Variants in KCNMB4 observed in about 807,000 individuals in gnomAD.
KCNMB4 encodes the protein calcium-activated potassium channel subunit beta-4.
In KCNMB4, 3 loss-of-function variants were observed where a neutral mutation model predicts 20.7. The observed-to-expected ratio is 0.14, with a 90% confidence interval of 0.07 to 0.37. The LOEUF (loss-of-function observed/expected upper bound fraction) is 0.37, where lower values mean the gene tolerates loss of function less well. Ranked by LOEUF, KCNMB4 falls within the 10% of genes least tolerant of loss-of-function variation. The probability of loss-of-function intolerance (pLI) is 1.00; values close to 1 mark genes in which losing one functional copy is unlikely to be tolerated. For synonymous variants in KCNMB4, 110 were observed against 113.4 expected (o/e 0.97, Z 0.19); for missense variants, 168 against 265.9 (o/e 0.63, Z 2.56).
In KCNMB4 at chr12:70,432,030, C is replaced by CTTTTTTTTTT. The variant is rs376288820; in HGVS notation, c.*1386_*1395dup. ...TCCACATACCAATGTTTTCTTTTTTCTTTTTTTTTTTTTTTTTTGAGATGG... is the reference window on the plus strand; with the variant it reads ...TCCACATACCAATGTTTTCTTTTTTCTTTTTTTTTTTTTTTTTTTTTTTTTTTTGAGATGG... On this transcript the variant is annotated 3_prime_UTR_variant, in exon 3 of 3. Transcript: ENST00000258111. 1 of 127,946 alleles carries CTTTTTTTTTT rather than the reference C, an allele frequency of 7.8e-6. No individual in the cohort carries two copies. Among genetic ancestry groups the CTTTTTTTTTT allele is most frequent in the African/African-American group, 2.9e-5 (1 of 34,286 alleles). The allele number at this position is 127,946 out of a possible 1,614,324, so 7.9% of individuals were successfully genotyped here.
intron 1 of KCNMB4, among the ~76,000 whole-genome samples, chr12:70,391,875 C>A (rs1310424776): frequency 1.3e-5 from 2 of 152,146 alleles, no homozygotes; most frequent in African/African-American, 4.8e-5. Flanking sequence ...AGAAGCTAGA[C>A]CTCCACCTCT....
At chr12:70,421,093 G>A (rs1869041396) in intron 2 of KCNMB4, among the ~76,000 whole-genome samples, 1 of 151,420 alleles carries the variant, frequency 6.6e-6, no homozygotes. Flanking sequence ...AAAGGTTCTG[G>A]TTCTGTATCA....
intron 1 of KCNMB4, among the ~76,000 whole-genome samples, chr12:70,388,763 G>A (rs990782586): frequency 2.0e-5 from 3 of 152,178 alleles, no homozygotes; most frequent in Non-Finnish European, 2.9e-5. Flanking sequence ...CTTGGGTTAT[G>A]AGGAGTAATG....
intron 1 of KCNMB4, among the ~76,000 whole-genome samples, chr12:70,376,705 A>G (rs533019795): frequency 1.3e-5 from 2 of 149,884 alleles, no homozygotes; most frequent in Admixed American, 1.3e-4. Flanking sequence ...CACCTCTACA[A>G]AAATTAAAAA....
chr12:70,394,017 C>T (rs1164655637), intron 1 of KCNMB4, among the ~76,000 whole-genome samples: 1 of 152,060 alleles, frequency 6.6e-6, no homozygotes, highest in Non-Finnish European at 1.5e-5. Context: ...CTCTGGAGGC[C>T]AAAATATTCA....
At chr12:70,367,887 A>T (rs1382067658) in intron 1 of KCNMB4, among the ~76,000 whole-genome samples, 1 of 151,934 alleles carries the variant, frequency 6.6e-6, no homozygotes, top group Admixed American at 6.6e-5. Context: ...AAAAAAAAAG[A>T]TAAAACCTGG....
intron 1 of KCNMB4, among the ~76,000 whole-genome samples, chr12:70,370,533 C>G (rs1310317451): frequency 5.9e-5 from 9 of 151,970 alleles, no homozygotes; most frequent in Admixed American, 5.9e-4. Flanking sequence ...GTCTCGATCT[C>G]CTGACCTCGT....
At chr12:70,385,762 A>C (rs1383862897) in intron 1 of KCNMB4, among the ~76,000 whole-genome samples, 1 of 152,224 alleles carries the variant, frequency 6.6e-6, no homozygotes, top group Non-Finnish European at 1.5e-5. Context: ...ATTCTATGCC[A>C]ATAAATTTGA....
rs767144236 is a variant in KCNMB4, at chr12:70,430,573, G to T, written c.553G>T (p.Val185Phe). Residue 185 changes from valine (V) to phenylalanine (F), a missense_variant, in exon 3 of 3, where the codon GTT (valine) becomes TTT (phenylalanine). Coordinates refer to ENST00000258111, the MANE Select transcript of KCNMB4 (RefSeq NM_014505.6). ...LWPLVTFVVG[V>F]LIVVLTICAK... ...GCCCCTGGTGACATTTGTGGTGGGC[G>T]TTCTCATTGTGGTCCTGACCATCTG... 1.2e-6 allele frequency: 2 copies of T among 1,613,828 alleles called. No individual in the cohort carries two copies. The highest frequency in any genetic ancestry group is 3.3e-5 in the Admixed American group (2 of 59,960).
At chr12:70,406,313 C>A (rs1218291434) in intron 2 of KCNMB4, among the ~76,000 whole-genome samples, 1 of 151,856 alleles carries the variant, frequency 6.6e-6, no homozygotes, top group Non-Finnish European at 1.5e-5. Context: ...ATTCTTACCA[C>A]AATAAAATAA....
At chr12:70,424,947 A>G (rs1043244573) in intron 2 of KCNMB4, among the ~76,000 whole-genome samples, 1 of 152,208 alleles carries the variant, frequency 6.6e-6, no homozygotes, top group African/African-American at 2.4e-5. Flanking sequence ...AATTACTCTC[A>G]GTAAGATCAG....
intron 1 of KCNMB4, among the ~76,000 whole-genome samples, chr12:70,393,400 A>G (rs918745437): frequency 1.3e-5 from 2 of 151,982 alleles, no homozygotes; most frequent in Non-Finnish European, 2.9e-5. Flanking sequence ...AAGGAGTTTC[A>G]CCATCTTGGC....
chr12:70,412,417 CTTG>C (rs1175178683), intron 2 of KCNMB4, among the ~76,000 whole-genome samples: 2 of 152,178 alleles, frequency 1.3e-5, no homozygotes, highest in Admixed American at 1.3e-4. Context: ...CTCTGGATTT[CTTG>C]TTATGTGTGA....
At chr12:70,407,834 C>G (rs1266714214) in intron 2 of KCNMB4, among the ~76,000 whole-genome samples, 2 of 151,882 alleles carry the variant, frequency 1.3e-5, no homozygotes, top group Non-Finnish European at 2.9e-5. Context: ...TCCCCATCCT[C>G]CAAGAGTCAC....
intron 2 of KCNMB4, among the ~76,000 whole-genome samples, chr12:70,403,960 T>C (rs189454449): frequency 9.1e-4 from 139 of 152,380 alleles, no homozygotes; most frequent in Non-Finnish European, 1.4e-3. Flanking sequence ...AAAGGAGGGT[T>C]CTTTGCTTCC....
At chr12:70,369,077 A>G (rs1883545999) in intron 1 of KCNMB4, among the ~76,000 whole-genome samples, 1 of 152,210 alleles carries the variant, frequency 6.6e-6, no homozygotes, top group Non-Finnish European at 1.5e-5. Flanking sequence ...TACATTTTAT[A>G]AAGTAAAGTA....
chr12:70,419,186 C>A (rs1405454229), intron 2 of KCNMB4, among the ~76,000 whole-genome samples: 1 of 152,132 alleles, frequency 6.6e-6, no homozygotes, highest in Non-Finnish European at 1.5e-5. Flanking sequence ...AAGATATTTT[C>A]AGCATTAACA....
chr12:70,367,173 C>G, intron 1 of KCNMB4, 103 bp downstream of exon 1: 1 of 874,928 alleles, frequency 1.1e-6, no homozygotes, highest in African/African-American at 1.7e-5. Flanking sequence ...GCTCGCATTG[C>G]TAGGAGGAGA....
At chr12:70,422,272 G>A (rs1053620738) in intron 2 of KCNMB4, among the ~76,000 whole-genome samples, 14 of 152,110 alleles carry the variant, frequency 9.2e-5, no homozygotes, top group Admixed American at 4.6e-4. Context: ...AAATAACTTG[G>A]TAACTCAGAG....
Sources: gnomAD v4.1 joint callset for allele counts (sites outside exome capture counted in the v4.1 genomes callset) on GRCh38, gnomAD v4.1.1 for gene constraint, MANE v1.5 for transcripts, NCBI Gene and HGNC (gene_info 2026-07-23, HGNC 2026-07-21) for gene names.